The following FGF8 variants were observed in gnomAD, a reference collection of about 807,000 sequenced individuals.
The protein encoded by FGF8 is fibroblast growth factor 8.
A neutral mutation model predicts 29.7 loss-of-function variants in FGF8; 12 were observed. That is an observed-to-expected ratio of 0.40 (90% CI 0.26 to 0.65). The LOEUF (loss-of-function observed/expected upper bound fraction) is 0.65. FGF8 is among the 30% of genes least tolerant of loss of function. FGF8 has a pLI of 0.37. For missense variants in FGF8, 271 were observed against 345.1 expected, an observed-to-expected ratio of 0.79 and a Z score of 1.70; for synonymous variants, 157 against 144.4, an observed-to-expected ratio of 1.09 and a Z score of -0.63.
At chr10:101,773,762 C>T (rs936089937) in intron 4 of FGF8, among the ~76,000 whole-genome samples, 1 of 152,084 alleles carries the variant, frequency 6.6e-6, no homozygotes, top group Non-Finnish European at 1.5e-5. Context: ...GAGTTTTAAT[C>T]GCTCTGCCAG....
upstream of FGF8, chr10:101,780,263 G>C (rs1233885056): frequency 6.6e-6 from 1 of 152,328 alleles, no homozygotes; most frequent in Non-Finnish European, 1.5e-5. Context: ...TTGAGGAAGA[G>C]GGAGGTTGGA....
chr10:101,776,076 A>T lies in FGF8; in HGVS notation c.-176T>A. The T allele has an allele frequency of 4.4e-6, 1 of 224,764 alleles. No individual in the cohort carries two copies. Among genetic ancestry groups the T allele is most frequent in the Non-Finnish European group, 7.9e-6 (1 of 126,768 alleles). 13.9% of individuals were successfully genotyped at this position (224,764 alleles called of 1,614,324 possible). On this transcript the variant is annotated 5_prime_UTR_variant, in exon 1 of 6. Coordinates refer to ENST00000320185, the MANE Select transcript of FGF8 (RefSeq NM_033163.5). ...CGTCGTGCTCGCCGCGCCGCACCGA[A>T]TCGCTGTGCGCCGCTGCCGGAGCCG...
chr10:101,778,020 C>G (rs1564634006), upstream of FGF8, among the ~76,000 whole-genome samples: 1 of 152,254 alleles, frequency 6.6e-6, no homozygotes, highest in Non-Finnish European at 1.5e-5. Flanking sequence ...CTTGCCTTCC[C>G]TGTGTTCTGT....
In FGF8 at chr10:101,775,917, G is replaced by A. The variant is rs1342970118; in HGVS notation, c.-17C>T. 1.1e-5 allele frequency: 14 copies of A among 1,229,854 alleles called. No individual in the cohort carries two copies. Among genetic ancestry groups the A allele is most frequent in the African/African-American group, 1.6e-5 (1 of 62,998 alleles). The allele number at this position is 1,229,854 out of a possible 1,614,324, so 76.2% of individuals were successfully genotyped here. A position where few individuals can be genotyped will look rare whatever the true frequency, so the allele number is the denominator to read the frequency against. On this transcript the variant is annotated 5_prime_UTR_variant, in exon 1 of 6. Transcript: ENST00000320185. This position sits in a 1 kb window ranked among gnomAD's most constrained non-coding sequence, Gnocchi z 4.6. ...GCTGCCCATGGCGCGCGGCCCCGGGGCACCGAGAGCCCGGCGGGTCACGCC... is the reference window on the plus strand; with the variant it reads ...GCTGCCCATGGCGCGCGGCCCCGGGACACCGAGAGCCCGGCGGGTCACGCC...
In FGF8 at chr10:101,775,928, C is replaced by T; in HGVS notation, c.-28G>A. Reference sequence around the variant, plus strand: ...CGCGCGGCCCCGGGGCACCGAGAGCCCGGCGGGTCACGCCGTCCCGCGGGC... The same window carrying T: ...CGCGCGGCCCCGGGGCACCGAGAGCTCGGCGGGTCACGCCGTCCCGCGGGC... On this transcript the variant is annotated 5_prime_UTR_variant, in exon 1 of 6. Transcript: ENST00000320185. This position sits in a 1 kb window ranked among gnomAD's most constrained non-coding sequence, Gnocchi z 4.6. 1 of 1,213,154 alleles carries T rather than the reference C, an allele frequency of 8.2e-7. No individual in the cohort carries two copies. Among genetic ancestry groups the T allele is most frequent in the Non-Finnish European group, 1.0e-6 (1 of 979,530 alleles). The allele number at this position is 1,213,154 out of a possible 1,614,324, so 75.1% of individuals were successfully genotyped here. A position where few individuals can be genotyped will look rare whatever the true frequency, so the allele number is the denominator to read the frequency against.
Position 101,775,929 on chromosome 10 carries a change from C to T in FGF8, c.-29G>A, listed in dbSNP as rs1007655195. On this transcript the variant is annotated 5_prime_UTR_variant, in exon 1 of 6. Coordinates refer to ENST00000320185, the MANE Select transcript of FGF8 (RefSeq NM_033163.5). This position sits in a 1 kb window ranked among gnomAD's most constrained non-coding sequence, Gnocchi z 4.6. ...GCGCGGCCCCGGGGCACCGAGAGCC[C>T]GGCGGGTCACGCCGTCCCGCGGGCC... The T allele has an allele frequency of 8.3e-7, 1 of 1,207,944 alleles. No homozygotes were observed. The allele number at this position is 1,207,944 out of a possible 1,614,324, so 74.8% of individuals were successfully genotyped here. A position where few individuals can be genotyped will look rare whatever the true frequency, so the allele number is the denominator to read the frequency against.
chr10:101,780,053 C>T (rs1009342640), upstream of FGF8, among the ~76,000 whole-genome samples: 1 of 152,232 alleles, frequency 6.6e-6, no homozygotes, highest in African/African-American at 2.4e-5. Context: ...TTCAACCTCG[C>T]CCGCCAGAGG....
At position 101,770,182 on chromosome 10, in the gene FGF8, C is replaced by A. The variant is rs2134987231; in HGVS notation, c.*147G>T. The A allele has an allele frequency of 1.8e-5, 11 of 627,072 alleles. No homozygotes were observed. The South Asian group carries it at 1.9e-4, about 11-fold the overall frequency. 38.8% of individuals were successfully genotyped at this position (627,072 alleles called of 1,614,324 possible). On this transcript the variant is annotated 3_prime_UTR_variant, in exon 6 of 6. Transcript: ENST00000320185. ...AAAAAAAACAGCAAAAACCCAACAG[C>A]AAACAATATCAACAACCGGAACCCA...
At chr10:101,773,865 G>GA (rs2065054854) in intron 4 of FGF8, among the ~76,000 whole-genome samples, 1 of 152,010 alleles carries the variant, frequency 6.6e-6, no homozygotes, top group Admixed American at 6.5e-5. Context: ...CTCCACATCT[G>GA]AAAAAAAGCT....
chr10:101,775,245 G>A lies in FGF8; in HGVS notation c.70-29C>T. 6.9e-7 allele frequency: 1 copy of A among 1,451,782 alleles called. No homozygotes were observed. The highest frequency in any genetic ancestry group is 2.5e-5 in the East Asian group (1 of 40,454). The allele number at this position is 1,451,782 out of a possible 1,614,324, so 89.9% of individuals were successfully genotyped here. A position where few individuals can be genotyped will look rare whatever the true frequency, so the allele number is the denominator to read the frequency against. ...GAGGAGCAGGGCGCTTTTAAGTAGG[G>A]AGGCAGCCCTCCCCGACCCCTGACA... On this transcript the variant is annotated intron_variant, in intron 2 of 5. Coordinates refer to ENST00000320185, the MANE Select transcript of FGF8 (RefSeq NM_033163.5). The surrounding 1 kb of genome is among the most constrained non-coding windows in gnomAD (Gnocchi z 4.6).
rs1399010246 is a variant in FGF8, at chr10:101,775,813, G to T, written c.33-37C>A. The T allele has an allele frequency of 6.5e-7, 1 of 1,536,516 alleles. No homozygotes were observed. Reference sequence around the variant, plus strand: ...AAAAGCGGGCGGGAGAGAGAGGCGCGGGTGAGGCGAGGGGCGCGGGGGGCG... The same window carrying T: ...AAAAGCGGGCGGGAGAGAGAGGCGCTGGTGAGGCGAGGGGCGCGGGGGGCG... On this transcript the variant is annotated intron_variant, in intron 1 of 5. Transcript: ENST00000320185. The surrounding 1 kb of genome is among the most constrained non-coding windows in gnomAD (Gnocchi z 4.6).
chr10:101,772,522 T>C lies in FGF8; in HGVS notation c.338-953A>G, dbSNP rs2065039154. Among the ~76,000 whole-genome samples the C allele has an allele frequency of 6.6e-6, 1 of 152,140 alleles. No individual in the cohort carries two copies. The highest frequency in any genetic ancestry group is 1.5e-5 in the Non-Finnish European group (1 of 68,002). ...CTGTTCACCTCTCTGTGCAATCATC[T>C]CTTATAGGCTGTCCTCAAGAAAGTA... is the stretch of plus-strand genomic sequence containing the variant. On this transcript the variant is annotated intron_variant, in intron 4 of 5. Coordinates refer to ENST00000320185, the MANE Select transcript of FGF8 (RefSeq NM_033163.5). This position sits in a 1 kb window ranked among gnomAD's most constrained non-coding sequence, Gnocchi z 4.4.
chr10:101,775,316 C>A lies in FGF8; in HGVS notation c.70-100G>T. 1 of 861,132 alleles carries A rather than the reference C, an allele frequency of 1.2e-6. No individual in the cohort carries two copies. The allele number at this position is 861,132 out of a possible 1,614,324, so 53.3% of individuals were successfully genotyped here. A position where few individuals can be genotyped will look rare whatever the true frequency, so the allele number is the denominator to read the frequency against. On this transcript the variant is annotated intron_variant, in intron 2 of 5. Transcript: ENST00000320185. The surrounding 1 kb of genome is among the most constrained non-coding windows in gnomAD (Gnocchi z 4.6). ...GAGCAAATGTTGAGAGTGCAGGGAA[C>A]CTGGGCACCCGATCATTGGGCCAAA...
chr10:101,777,965 G>A (rs1002062805), upstream of FGF8, among the ~76,000 whole-genome samples: 11 of 152,220 alleles, frequency 7.2e-5, no homozygotes, highest in African/African-American at 2.2e-4. Context: ...TCCATCAGGC[G>A]GAGACAAGTC....
Position 101,776,078 on chromosome 10 carries a change from C to T in FGF8, c.-178G>A, listed in dbSNP as rs1391366535. The T allele has an allele frequency of 5.0e-5, 11 of 218,064 alleles. 1 individual carries two copies. The East Asian group carries it at 1.4e-3, about 29-fold the overall frequency. The allele number at this position is 218,064 out of a possible 1,614,324, so 13.5% of individuals were successfully genotyped here. A position where few individuals can be genotyped will look rare whatever the true frequency, so the allele number is the denominator to read the frequency against. On this transcript the variant is annotated 5_prime_UTR_variant, in exon 1 of 6. Coordinates refer to ENST00000320185, the MANE Select transcript of FGF8 (RefSeq NM_033163.5). Reference sequence around the variant, plus strand: ...TCGTGCTCGCCGCGCCGCACCGAATCGCTGTGCGCCGCTGCCGGAGCCGGT... The same window carrying T: ...TCGTGCTCGCCGCGCCGCACCGAATTGCTGTGCGCCGCTGCCGGAGCCGGT...
upstream of FGF8, among the ~76,000 whole-genome samples, chr10:101,779,785 C>G (rs1345816302): frequency 3.3e-5 from 5 of 152,042 alleles, no homozygotes; most frequent in African/African-American, 1.2e-4. The surrounding 1 kb of genome is among the most constrained non-coding windows in gnomAD (Gnocchi z 5.7). Flanking sequence ...AAGCACGTGC[C>G]GAGGACTTTG....
chr10:101,770,309 TG>T lies in FGF8; in HGVS notation c.*19del. On this transcript the variant is annotated 3_prime_UTR_variant, in exon 6 of 6. Coordinates refer to ENST00000320185, the MANE Select transcript of FGF8 (RefSeq NM_033163.5). ...TGAGCCTCTCTGCGGTCTGGCATTGTGGGGAGGGCCAGGCAGCACCTATCGG... is the reference window on the plus strand; with the variant it reads ...TGAGCCTCTCTGCGGTCTGGCATTGTGGGAGGGCCAGGCAGCACCTATCGG... 6.3e-7 allele frequency: 1 copy of T among 1,575,018 alleles called. No individual in the cohort carries two copies. The highest frequency in any genetic ancestry group is 8.6e-7 in the Non-Finnish European group (1 of 1,160,364).
rs1589814090 is a variant in FGF8 at position 101,775,615 on chromosome 10, T to C, written c.69+125A>G. The C allele has an allele frequency of 8.8e-7, 1 of 1,138,748 alleles. No homozygotes were observed. Among genetic ancestry groups the C allele is most frequent in the East Asian group, 2.6e-5 (1 of 38,464 alleles). 70.5% of individuals were successfully genotyped at this position (1,138,748 alleles called of 1,614,324 possible). ...CTCCTCGGGGTGGCTCGGGGCTGGG[T>C]TTCTAAGGTGCCCTCAGCCCTCCCG... On this transcript the variant is annotated intron_variant, in intron 2 of 5. Coordinates refer to ENST00000320185, the MANE Select transcript of FGF8 (RefSeq NM_033163.5). This position sits in a 1 kb window ranked among gnomAD's most constrained non-coding sequence, Gnocchi z 4.6.
intron 5 of FGF8, among the ~76,000 whole-genome samples, 198 bp from the exon 6 acceptor site, chr10:101,770,817 A>T (rs2065013705): frequency 6.6e-6 from 1 of 152,228 alleles, no homozygotes; most frequent in Non-Finnish European, 1.5e-5. Context: ...CCTCCCAGGC[A>T]GCAGTGACAC....
Sources: gnomAD v4.1 joint callset for allele counts (sites outside exome capture counted in the v4.1 genomes callset) on GRCh38, gnomAD v4.1.1 for gene constraint, Gnocchi (gnomAD v3.1) non-coding constraint, MANE v1.5 for transcripts, NCBI Gene and HGNC (gene_info 2026-07-23, HGNC 2026-07-21) for gene names.